Variants in ESR1 observed in about 807,000 individuals in gnomAD.
ESR1 encodes estrogen receptor.
A neutral mutation model predicts 52.7 loss-of-function variants in ESR1; 12 were observed. That is an observed-to-expected ratio of 0.23 (90% CI 0.15 to 0.37). The LOEUF is 0.37. Among genes scored for constraint, ESR1 ranks in the 10% least tolerant of loss-of-function variants. The probability of loss-of-function intolerance (pLI) is 1.00; values close to 1 mark genes in which losing one functional copy is unlikely to be tolerated. For synonymous variants in ESR1, 305 were observed against 316.8 expected (o/e 0.96, Z 0.39); for missense variants, 584 against 779.7 (o/e 0.75, Z 2.99).
chr6:151,898,973 C>A (rs1306064431), intron 3 of ESR1, among the ~76,000 whole-genome samples: 1 of 151,892 alleles, frequency 6.6e-6, no homozygotes, highest in Admixed American at 6.5e-5. Flanking sequence ...CCAGTAGGGG[C>A]GGCCGGGCAG....
chr6:152,084,428 A>G (rs2049515389), intron 6 of ESR1, among the ~76,000 whole-genome samples: 1 of 151,966 alleles, frequency 6.6e-6, no homozygotes, highest in African/African-American at 2.4e-5. Context: ...TAATAAAAAA[A>G]AAAGAAAGAA....
At chr6:152,050,988 A>G (rs1379309941) in intron 5 of ESR1, among the ~76,000 whole-genome samples, 2 of 152,198 alleles carry the variant, frequency 1.3e-5, no homozygotes, top group South Asian at 2.1e-4. Context: ...TTACTTCTGC[A>G]TTAGTAGAGT....
At chr6:151,828,396 A>C (rs1444945817) in intron 1 of ESR1, among the ~76,000 whole-genome samples, 1 of 152,188 alleles carries the variant, frequency 6.6e-6, no homozygotes, top group Non-Finnish European at 1.5e-5. Flanking sequence ...TACAAAGAAG[A>C]GAGGTAGCAG....
chr6:152,061,928 T>C lies in ESR1; in HGVS notation c.1369+804T>C, dbSNP rs1393419293. ...CAGCCTCTGGGACCTAAAGCTCACA[T>C]TGGGTATCAGCGGTACAGCAGCTCC... On this transcript the variant is annotated intron_variant, in intron 6 of 7. Transcript: ENST00000206249. The surrounding 1 kb of genome is among the most constrained non-coding windows in gnomAD (Gnocchi z 4.3). Among the ~76,000 whole-genome samples the C allele has an allele frequency of 1.3e-5, 2 of 152,164 alleles. No individual in the cohort carries two copies. Among genetic ancestry groups the C allele is most frequent in the Non-Finnish European group, 2.9e-5 (2 of 68,012 alleles).
intron 2 of ESR1, among the ~76,000 whole-genome samples, chr6:151,778,580 A>G (rs1341406415): frequency 6.6e-6 from 1 of 151,346 alleles, no homozygotes; most frequent in Non-Finnish European, 1.5e-5. Context: ...TAATTTTTGT[A>G]TTTTGAGTAG....
intron 1 of ESR1, among the ~76,000 whole-genome samples, chr6:151,833,148 A>G (rs975442565): frequency 6.6e-6 from 1 of 152,124 alleles, no homozygotes; most frequent in African/African-American, 2.4e-5. Flanking sequence ...GAGGTGTACT[A>G]ACTTGGTCAG....
At chr6:151,947,930 C>A (rs1277262040) in intron 4 of ESR1, among the ~76,000 whole-genome samples, 1 of 152,098 alleles carries the variant, frequency 6.6e-6, no homozygotes, top group Admixed American at 6.5e-5. Flanking sequence ...GAAGACTTTT[C>A]TCCTTATTGT....
At chr6:151,847,664 C>T (rs1462205473) in intron 2 of ESR1, among the ~76,000 whole-genome samples, 5 of 131,224 alleles carry the variant, frequency 3.8e-5, no homozygotes, top group Admixed American at 2.4e-4. Context: ...GAGTAGGTTG[C>T]GAAAATTTTC....
At chr6:151,953,635 C>A (rs534900023) in intron 4 of ESR1, among the ~76,000 whole-genome samples, 1 of 151,744 alleles carries the variant, frequency 6.6e-6, no homozygotes, top group Non-Finnish European at 1.5e-5. Flanking sequence ...CGGGGAGAAT[C>A]GCTTGAACCC....
chr6:151,719,927 A>G (rs1472874297), intron 2 of ESR1, among the ~76,000 whole-genome samples: 2 of 152,210 alleles, frequency 1.3e-5, no homozygotes, highest in Non-Finnish European at 2.9e-5. Context: ...TTGAAGGGTC[A>G]GGAATATTTG....
At chr6:151,787,099 G>A (rs141006866) in intron 2 of ESR1, among the ~76,000 whole-genome samples, 103 of 152,286 alleles carry the variant, frequency 6.8e-4, no homozygotes, top group Non-Finnish European at 1.1e-3. Flanking sequence ...ATGAGCCACC[G>A]TGCCTGGCTG....
intron 4 of ESR1, among the ~76,000 whole-genome samples, chr6:151,951,672 G>A (rs1053743667): frequency 6.6e-6 from 1 of 152,176 alleles, no homozygotes; most frequent in African/African-American, 2.4e-5. Flanking sequence ...AGTGAAGGAT[G>A]TTCCATTCTC....
At chr6:151,863,317 A>G (rs566605467) in intron 2 of ESR1, among the ~76,000 whole-genome samples, 19 of 152,136 alleles carry the variant, frequency 1.2e-4, no homozygotes, top group African/African-American at 3.6e-4. Context: ...CTTTTATTTC[A>G]TTGAGCAGTG....
At chr6:151,725,883 T>C (rs1261746451) in intron 2 of ESR1, among the ~76,000 whole-genome samples, 1 of 152,310 alleles carries the variant, frequency 6.6e-6, no homozygotes, top group Non-Finnish European at 1.5e-5. Context: ...ATTAATTACA[T>C]GTGAAAAATT....
chr6:152,001,143 G>A (rs2041911208), intron 4 of ESR1, among the ~76,000 whole-genome samples: 1 of 151,960 alleles, frequency 6.6e-6, no homozygotes, highest in Admixed American at 6.6e-5. Flanking sequence ...CTTACAGGGT[G>A]GCCTGGTGTC....
intron 5 of ESR1, among the ~76,000 whole-genome samples, chr6:152,016,040 T>A (rs974059748): frequency 7.2e-5 from 11 of 152,154 alleles, no homozygotes; most frequent in African/African-American, 2.7e-4. Context: ...AATTGAATCA[T>A]GTGGGTTGTT....
chr6:151,861,081 C>G (rs979508756), intron 2 of ESR1, among the ~76,000 whole-genome samples: 27 of 152,016 alleles, frequency 1.8e-4, no homozygotes, highest in Admixed American at 3.9e-4. Context: ...ATTTAGTTTG[C>G]ACAGTATGGA....
In ESR1 at chr6:152,122,343, C is replaced by T. The variant is rs932346765; in HGVS notation, c.851-2923C>T. 5.3e-5 allele frequency: 85 copies of T among 1,607,948 alleles called. No individual in the cohort carries two copies. The African/African-American group carries it at 1.1e-3, about 20-fold the overall frequency. The stretch of plus-strand genomic sequence containing the variant: ...AAGCTGCCACACCGAGGGCTTTCGC[C>T]AAGATCAAGGTCCTCTTGTTGGTAG... On this transcript the variant is annotated intron_variant, in intron 6 of 6. Coordinates refer to the ESR1 transcript ENST00000427531.
At chr6:151,986,064 C>G (rs2040455092) in intron 4 of ESR1, among the ~76,000 whole-genome samples, 1 of 152,012 alleles carries the variant, frequency 6.6e-6, no homozygotes, top group East Asian at 1.9e-4. Context: ...TCTTAATTTT[C>G]AGTTGTGTTT....
Sources: gnomAD v4.1 joint callset for allele counts (sites outside exome capture counted in the v4.1 genomes callset) on GRCh38, gnomAD v4.1.1 for gene constraint, Gnocchi (gnomAD v3.1) non-coding constraint, MANE v1.5 for transcripts, NCBI Gene and HGNC (gene_info 2026-07-23, HGNC 2026-07-21) for gene names.